AFAP1L2: variants seen among roughly 807,000 people sequenced by gnomAD.
AFAP1L2 encodes the protein actin filament associated protein 1 like 2, also known as actin filament-associated protein 1-like 2.
In AFAP1L2, 46 loss-of-function variants were observed where a neutral mutation model predicts 99.3. The observed-to-expected ratio is 0.46, with a 90% CI of 0.37 to 0.59. The LOEUF (loss-of-function observed/expected upper bound fraction) is 0.59, where lower values mean the gene tolerates loss of function less well. Among genes scored for constraint, AFAP1L2 ranks in the 20% least tolerant of loss-of-function variants. The pLI, the probability that AFAP1L2 is intolerant of heterozygous loss-of-function variation, is 0.00. For missense variants in AFAP1L2, 959 were observed against 1,034.9 expected (o/e 0.93, Z 1.01); for synonymous variants, 397 against 419.1 (o/e 0.95, Z 0.64).
chr10:114,400,650 A>G (rs2138440450), intron 1 of AFAP1L2, among the ~76,000 whole-genome samples: 1 of 152,290 alleles, frequency 6.6e-6, no homozygotes, highest in East Asian at 1.9e-4. Flanking sequence ...TTTCCAGGTG[A>G]GGAAAGTGTA....
intron 7 of AFAP1L2, among the ~76,000 whole-genome samples, chr10:114,311,694 C>A (rs1199830073): frequency 6.6e-6 from 1 of 152,322 alleles, no homozygotes; most frequent in Admixed American, 6.5e-5. Flanking sequence ...GGGAAAGTGC[C>A]ACTAAGCCAG....
intron 1 of AFAP1L2, among the ~76,000 whole-genome samples, chr10:114,359,259 G>C (rs1359763737): frequency 6.6e-6 from 1 of 152,138 alleles, no homozygotes; most frequent in Non-Finnish European, 1.5e-5. Context: ...AGCATGGGTG[G>C]CCAAACTGCA....
At chr10:114,341,749 C>A (rs1235951751) in intron 1 of AFAP1L2, among the ~76,000 whole-genome samples, 1 of 152,170 alleles carries the variant, frequency 6.6e-6, no homozygotes, top group Non-Finnish European at 1.5e-5. Context: ...GGACACAGCA[C>A]CCCTCTTTCC....
chr10:114,389,112 A>T (rs2056844460), intron 1 of AFAP1L2, among the ~76,000 whole-genome samples: 1 of 152,188 alleles, frequency 6.6e-6, no homozygotes, highest in African/African-American at 2.4e-5. Flanking sequence ...GCCCACATCC[A>T]AAAGGGTTAG....
intron 4 of AFAP1L2, among the ~76,000 whole-genome samples, chr10:114,326,425 T>C (rs2046307337): frequency 6.6e-6 from 1 of 152,234 alleles, no homozygotes; most frequent in African/African-American, 2.4e-5. Context: ...TAATATAAAA[T>C]ATTGGTAAAC....
chr10:114,294,874 T>G lies in AFAP1L2; in HGVS notation c.*1168A>C. On this transcript the variant is annotated 3_prime_UTR_variant, in exon 19 of 19. Transcript: ENST00000304129. ...TAAAAAACCTAACTAACTCACCACTTGGTAAAAGGTCACCAAATGTTTATG... is the reference window on the plus strand; with the variant it reads ...TAAAAAACCTAACTAACTCACCACTGGGTAAAAGGTCACCAAATGTTTATG... The G allele has an allele frequency of 1.0e-6, 1 of 983,060 alleles. No individual in the cohort carries two copies. The highest frequency in any genetic ancestry group is 1.2e-6 in the Non-Finnish European group (1 of 827,604). 60.9% of individuals were successfully genotyped at this position (983,060 alleles called of 1,614,324 possible).
chr10:114,301,528 T>TC, intron 12 of AFAP1L2, 63 bp from the exon 13 acceptor site: 1 of 1,233,162 alleles, frequency 8.1e-7, no homozygotes, highest in South Asian at 1.2e-5. Context: ...AGCACCAGAC[T>TC]CCAAGGATTC....
In AFAP1L2 at chr10:114,295,965, A is replaced by G. The variant is rs2133850124; in HGVS notation, c.*77T>C. 1 of 1,612,512 alleles carries G rather than the reference A, an allele frequency of 6.2e-7. No individual in the cohort carries two copies. Among genetic ancestry groups the G allele is most frequent in the East Asian group, 2.2e-5 (1 of 44,852 alleles). The stretch of plus-strand genomic sequence containing the variant: ...CTTCTAAACAGACTCACCCTTTCGC[A>G]TAGTTTTTGCTTTAACAAAGCAGGA... On this transcript the variant is annotated 3_prime_UTR_variant, in exon 19 of 19. Transcript: ENST00000304129.
At chr10:114,324,092 C>T (rs942619015) in intron 4 of AFAP1L2, among the ~76,000 whole-genome samples, 1 of 152,310 alleles carries the variant, frequency 6.6e-6, no homozygotes, top group East Asian at 1.9e-4. Flanking sequence ...TCCCTTATTC[C>T]ACCTGCATAG....
chr10:114,297,028 G>A lies in AFAP1L2; in HGVS notation c.2380C>T (p.Pro794Ser). Reference protein sequence around the residue: ...VNSATTLKNRPLSVVVTGKGT... With the variant: ...VNSATTLKNRSLSVVVTGKGT... ...TTGCCTGTGACCACGACCGAGAGAGGCCTGTTCTTGAGTGTGGTTGCAGAG... is the reference window on the plus strand; with the variant it reads ...TTGCCTGTGACCACGACCGAGAGAGACCTGTTCTTGAGTGTGGTTGCAGAG... The change falls in exon 18 of 19, where the codon CCT becomes TCT. Residue 794 changes from proline (P) to serine (S), a missense_variant. Coordinates refer to ENST00000304129, the MANE Select transcript of AFAP1L2 (RefSeq NM_001001936.3). 5 of 1,614,186 alleles carry A rather than the reference G, an allele frequency of 3.1e-6. No homozygotes were observed. The highest frequency in any genetic ancestry group is 4.2e-6 in the Non-Finnish European group (5 of 1,180,040).
chr10:114,303,732 C>A (rs1045736213), intron 11 of AFAP1L2, among the ~76,000 whole-genome samples: 1 of 152,198 alleles, frequency 6.6e-6, no homozygotes, highest in Non-Finnish European at 1.5e-5. Context: ...CTCCGATCCA[C>A]TCCCACCCCA....
chr10:114,387,874 C>T (rs1700456014), intron 1 of AFAP1L2, among the ~76,000 whole-genome samples: 1 of 152,088 alleles, frequency 6.6e-6, no homozygotes, highest in Admixed American at 6.6e-5. Context: ...TCCTTTCCTT[C>T]CTTGGCTTTA....
At chr10:114,289,405 G>T in the AFAP1L2 span, 1 of 1,603,594 alleles carries the variant, frequency 6.2e-7, no homozygotes, top group Non-Finnish European at 8.5e-7. Flanking sequence ...GAGGCTTGCA[G>T]GTCCCCGGGA....
intron 5 of AFAP1L2, among the ~76,000 whole-genome samples, chr10:114,320,862 C>T (rs1168390759): frequency 2.0e-5 from 3 of 152,204 alleles, no homozygotes; most frequent in East Asian, 1.9e-4. Flanking sequence ...ACCTTCAACG[C>T]GCATCCAGAC....
intron 1 of AFAP1L2, among the ~76,000 whole-genome samples, chr10:114,353,494 T>C (rs1480864092): frequency 6.6e-6 from 1 of 152,212 alleles, no homozygotes; most frequent in Non-Finnish European, 1.5e-5. Context: ...TTCTAGTTCA[T>C]TCTGTGAAGT....
At chr10:114,316,185 C>T (rs2044108886) in intron 5 of AFAP1L2, among the ~76,000 whole-genome samples, 1 of 152,224 alleles carries the variant, frequency 6.6e-6, no homozygotes, top group African/African-American at 2.4e-5. Flanking sequence ...CAGGTTCTCC[C>T]AGGCCTGGCC....
At chr10:114,286,209 G>A in the AFAP1L2 span, 2 of 1,613,948 alleles carry the variant, frequency 1.2e-6, no homozygotes, top group Non-Finnish European at 1.7e-6. Context: ...ACCCTGACGG[G>A]CAGTGCCTTG....
At chr10:114,311,488 T>C (rs2043226593) in intron 7 of AFAP1L2, among the ~76,000 whole-genome samples, 1 of 152,190 alleles carries the variant, frequency 6.6e-6, no homozygotes, top group Non-Finnish European at 1.5e-5. Context: ...CCCAGTGTCA[T>C]AGGAAGAGCA....
chr10:114,378,704 G>A (rs1489069570), intron 1 of AFAP1L2, among the ~76,000 whole-genome samples: 1 of 152,162 alleles, frequency 6.6e-6, no homozygotes, highest in Non-Finnish European at 1.5e-5. Context: ...ATGGCCTAGA[G>A]GAGGAGAAGC....
Sources: gnomAD v4.1 joint callset for allele counts (sites outside exome capture counted in the v4.1 genomes callset) on GRCh38, gnomAD v4.1.1 for gene constraint, MANE v1.5 for transcripts, NCBI Gene and HGNC (gene_info 2026-07-23, HGNC 2026-07-21) for gene names.